The following SPATA9 variants were observed in gnomAD, a reference collection of about 807,000 sequenced individuals.
SPATA9 encodes the protein spermatogenesis associated 9.
SPATA9 carries 27 observed loss-of-function variants against 25.5 expected under a neutral mutation model. The observed-to-expected ratio is 1.06, with a 90% CI of 0.78 to 1.46. SPATA9 has a LOEUF of 1.46. Ranked by LOEUF, SPATA9 falls within the 40% of genes most tolerant of loss-of-function variation. The probability of loss-of-function intolerance (pLI) is 0.00; values close to 1 mark genes in which losing one functional copy is unlikely to be tolerated. For synonymous variants in SPATA9, 102 were observed against 105.7 expected (o/e 0.97, Z 0.21); for missense variants, 282 against 297.5 (o/e 0.95, Z 0.38).
upstream of SPATA9, among the ~76,000 whole-genome samples, chr5:95,700,081 A>T (rs1304745634): frequency 6.6e-6 from 1 of 152,128 alleles, no homozygotes; most frequent in Non-Finnish European, 1.5e-5. Context: ...AAATATTAAC[A>T]GGGAGTCATG....
chr5:95,673,106 T>C (rs1446955277), intron 3 of SPATA9, among the ~76,000 whole-genome samples: 1 of 152,178 alleles, frequency 6.6e-6, no homozygotes, highest in Non-Finnish European at 1.5e-5. Flanking sequence ...TCTTTCTCCC[T>C]CTCTCTGTCT....
chr5:95,706,281 C>T, the SPATA9 span, among the ~76,000 whole-genome samples: 3 of 151,656 alleles, frequency 2.0e-5, no homozygotes, highest in African/African-American at 7.3e-5. Context: ...AGGAGGGGCC[C>T]GGTGGGAGGT....
At chr5:95,681,604 C>T (rs1014159214) in intron 2 of SPATA9, among the ~76,000 whole-genome samples, 2 of 152,128 alleles carry the variant, frequency 1.3e-5, no homozygotes, top group Admixed American at 6.5e-5. Flanking sequence ...AGGATCACGT[C>T]GTGTTTATCT....
intron 2 of SPATA9, among the ~76,000 whole-genome samples, chr5:95,676,264 TAATTTA>T (rs1052438674): frequency 1.1e-4 from 17 of 152,354 alleles, no homozygotes; most frequent in African/African-American, 3.8e-4. Flanking sequence ...AATTATTTTT[TAATTTA>T]AATAGGTTTT....
the SPATA9 span, among the ~76,000 whole-genome samples, chr5:95,716,166 G>A: frequency 6.6e-6 from 1 of 152,242 alleles, no homozygotes; most frequent in African/African-American, 2.4e-5. Context: ...TAGTGGAGGT[G>A]TGAGAAGAGG....
chr5:95,710,375 T>G, the SPATA9 span, among the ~76,000 whole-genome samples: 2 of 152,210 alleles, frequency 1.3e-5, no homozygotes, highest in Non-Finnish European at 2.9e-5. Flanking sequence ...GCATTTGACA[T>G]CCATTTGCCA....
At chr5:95,722,292 A>G in the SPATA9 span, among the ~76,000 whole-genome samples, 1 of 152,182 alleles carries the variant, frequency 6.6e-6, no homozygotes, top group African/African-American at 2.4e-5. Context: ...CTATTTTTTA[A>G]TATATTAGAG....
Position 95,682,538 on chromosome 5 carries a change from T to C in SPATA9, c.140A>G (p.Gln47Arg). The change falls in exon 2 of 5, where the codon CAG becomes CGG. Residue 47 changes from glutamine (Q) to arginine (R), a missense_variant. Gln to Arg is a conservative substitution (Grantham distance 43). Coordinates refer to ENST00000274432, the MANE Select transcript of SPATA9 (RefSeq NM_031952.4). ...DEFPTILRLS[Q>R]SNQKREPAQK... The stretch of plus-strand genomic sequence containing the variant: ...ATAAAATCACATTACCTGATTAGAC[T>C]GTGATAATCTTAGGATGGTGGGAAA... The C allele has an allele frequency of 6.2e-7, 1 of 1,605,976 alleles. No individual in the cohort carries two copies. The highest frequency in any genetic ancestry group is 8.5e-7 in the Non-Finnish European group (1 of 1,173,614).
downstream of SPATA9, chr5:95,654,469 T>C: frequency 1.2e-6 from 1 of 807,454 alleles, no homozygotes; most frequent in East Asian, 2.7e-5. Context: ...TGAATATAAT[T>C]CCAAGTATTC....
In SPATA9 at chr5:95,658,693, T is replaced by G; in HGVS notation, c.695A>C (p.Lys232Thr). ...ISDYPKLLANKQSNNIQVLHS... is the reference protein window; with the variant it reads ...ISDYPKLLANTQSNNIQVLHS... The stretch of plus-strand genomic sequence containing the variant: ...TAAAACTTGGATGTTATTACTCTGC[T>G]TATTAGCAAGAAGCTTGGGGTAATC... Residue 232 changes from lysine to threonine, a missense_variant, in exon 5 of 5, where the codon AAG becomes ACG. Physicochemically the swap from Lys to Thr is moderately conservative, Grantham distance 78. Transcript: ENST00000274432. The G allele has an allele frequency of 1.9e-6, 3 of 1,613,848 alleles. No homozygotes were observed. Among genetic ancestry groups the G allele is most frequent in the South Asian group, 1.1e-5 (1 of 91,080 alleles).
intron 1 of SPATA9, among the ~76,000 whole-genome samples, chr5:95,692,641 C>T (rs1280887353): frequency 6.6e-6 from 1 of 151,936 alleles, no homozygotes; most frequent in Non-Finnish European, 1.5e-5. Flanking sequence ...TTCACTATAT[C>T]CCATTTATTT....
the SPATA9 span, among the ~76,000 whole-genome samples, chr5:95,729,329 G>A: frequency 3.3e-5 from 5 of 152,078 alleles, no homozygotes; most frequent in African/African-American, 1.2e-4. Context: ...TGTACCTTGG[G>A]ATCTCCTATG....
upstream of SPATA9, among the ~76,000 whole-genome samples, chr5:95,701,739 G>C (rs778399546): frequency 1.3e-5 from 2 of 152,070 alleles, no homozygotes; most frequent in Non-Finnish European, 2.9e-5. Flanking sequence ...AGTAAGATCA[G>C]TGTCAGAACA....
the SPATA9 span, chr5:95,731,203 G>A: frequency 1.0e-6 from 1 of 1,002,954 alleles, no homozygotes. Flanking sequence ...GGGCCTCCGC[G>A]GGGAGCGCGT....
intron 3 of SPATA9, among the ~76,000 whole-genome samples, chr5:95,671,524 C>T (rs772629716): frequency 3.3e-5 from 5 of 152,174 alleles, no homozygotes; most frequent in Non-Finnish European, 5.9e-5. Context: ...ATTCTCCTGC[C>T]TCAGCCTCCT....
At chr5:95,662,527 G>C (rs1013389652) in intron 4 of SPATA9, among the ~76,000 whole-genome samples, 4 of 152,094 alleles carry the variant, frequency 2.6e-5, no homozygotes, top group Non-Finnish European at 4.4e-5. Flanking sequence ...AGCCTCCTGA[G>C]TAGCAGGGAT....
At chr5:95,721,943 GA>G in the SPATA9 span, among the ~76,000 whole-genome samples, 412 of 152,178 alleles carry the variant, frequency 2.7e-3, 1 homozygote, top group Non-Finnish European at 4.5e-3. Flanking sequence ...AAATCTCTAA[GA>G]AAATTTTGAT....
chr5:95,665,121 T>C (rs1345934661), intron 3 of SPATA9, among the ~76,000 whole-genome samples: 1 of 152,240 alleles, frequency 6.6e-6, no homozygotes, highest in Admixed American at 6.5e-5. Flanking sequence ...CAATTTGATG[T>C]TCCCATAGAA....
chr5:95,673,376 TTG>T (rs10557096), intron 3 of SPATA9, among the ~76,000 whole-genome samples: 69,657 of 150,262 alleles, frequency 0.46, 16,413 homozygotes, highest in African/African-American at 0.53. Context: ...GTGTGTGTGT[TTG>T]TGTGTGTGTG....
Sources: allele counts gnomAD v4.1 joint callset (sites outside exome capture counted in the v4.1 genomes callset), GRCh38; gene constraint gnomAD v4.1.1; transcripts MANE v1.5; gene names NCBI Gene and HGNC (gene_info 2026-07-23, HGNC 2026-07-21).